The following CDK5RAP2 variants were observed in gnomAD, a reference collection of about 807,000 sequenced individuals.
The protein encoded by CDK5RAP2 is CDK5 regulatory subunit-associated protein 2.
Under a neutral mutation model 232.9 loss-of-function variants are expected in CDK5RAP2, and 147 were observed. The observed-to-expected ratio is 0.63, with a 90% confidence interval of 0.55 to 0.72. The LOEUF (loss-of-function observed/expected upper bound fraction) is 0.72, where lower values mean the gene tolerates loss of function less well. CDK5RAP2 is among the 30% of genes least tolerant of loss of function. The pLI, the probability that CDK5RAP2 is intolerant of heterozygous loss-of-function variation, is 0.00. For synonymous variants in CDK5RAP2, 833 were observed against 833.7 expected, an observed-to-expected ratio of 1.00 and a Z score of 0.01; for missense variants, 2,195 against 2,231.5, an observed-to-expected ratio of 0.98 and a Z score of 0.33.
At chr9:120,552,884 TAACTC>T (rs2042097040) in intron 3 of CDK5RAP2, among the ~76,000 whole-genome samples, 2 of 151,940 alleles carry the variant, frequency 1.3e-5, no homozygotes, top group African/African-American at 2.4e-5. Flanking sequence ...CATCTGCAAT[TAACTC>T]AAATGAGTAG....
At chr9:120,465,088 A>G (rs1218759263) in intron 18 of CDK5RAP2, among the ~76,000 whole-genome samples, 1 of 152,226 alleles carries the variant, frequency 6.6e-6, no homozygotes, top group Non-Finnish European at 1.5e-5. Flanking sequence ...CTACGTCAAA[A>G]AAAAGTGAGT....
chr9:120,432,012 T>C (rs980951242), intron 25 of CDK5RAP2, among the ~76,000 whole-genome samples: 2 of 151,672 alleles, frequency 1.3e-5, no homozygotes, highest in Non-Finnish European at 2.9e-5. Flanking sequence ...CAAGGGAGAG[T>C]CCCCTTATAA....
chr9:120,441,853 G>A (rs1039742547), intron 23 of CDK5RAP2, among the ~76,000 whole-genome samples: 7 of 152,172 alleles, frequency 4.6e-5, no homozygotes, highest in African/African-American at 9.7e-5. Context: ...GGTGCAGACC[G>A]TGTCATCCAT....
chr9:120,415,061 G>A lies in CDK5RAP2; in HGVS notation c.4276C>T (p.Gln1426Ter). The A allele has an allele frequency of 1.2e-6, 2 of 1,614,118 alleles. No individual in the cohort carries two copies. Among genetic ancestry groups the A allele is most frequent in the Non-Finnish European group, 1.7e-6 (2 of 1,179,978 alleles). Reference sequence around the variant, plus strand: ...TTACCTTGAACAAATTCAGATCCTTGCCGTTCCAACTGTTTCCGTAGCTTC... The same window carrying A: ...TTACCTTGAACAAATTCAGATCCTTACCGTTCCAACTGTTTCCGTAGCTTC... ...NEKLRKQLER[Q>*]GSEFVQGSTS... is the part of the protein sequence containing the mutation. Residue 1426 changes from glutamine (Q) to a stop codon, truncating the protein, a stop_gained, in exon 28 of 38, where the codon CAA becomes TAA. Transcript: ENST00000349780. LOFTEE classifies it high-confidence loss of function.
intron 6 of CDK5RAP2, among the ~76,000 whole-genome samples, chr9:120,536,956 A>C (rs2041417601): frequency 6.7e-6 from 1 of 150,012 alleles, no homozygotes; most frequent in South Asian, 2.1e-4. Flanking sequence ...CATTTTCTGT[A>C]TCTCCAAGGT....
In CDK5RAP2 at chr9:120,509,987, A is replaced by G. The variant is rs2040004489; in HGVS notation, c.1311+8440T>C. 1.3e-5 allele frequency among the ~76,000 whole-genome samples: 2 copies of G among 151,902 alleles called. 1 individual carries two copies. Among genetic ancestry groups the G allele is most frequent in the South Asian group, 4.1e-4 (2 of 4,830 alleles). ...CACACATATATATACATTTTTTTTT[A>G]GGGCAAGAGGAGCTTTGGCCATTAG... is the stretch of plus-strand genomic sequence containing the variant. On this transcript the variant is annotated intron_variant, in intron 12 of 37. Transcript: ENST00000349780.
chr9:120,491,791 C>A (rs2038923481), intron 12 of CDK5RAP2, among the ~76,000 whole-genome samples: 1 of 151,914 alleles, frequency 6.6e-6, no homozygotes. Context: ...AAACACACAC[C>A]CACAATTATG....
intron 6 of CDK5RAP2, among the ~76,000 whole-genome samples, chr9:120,536,975 T>TG (rs757620834): frequency 6.9e-6 from 1 of 144,574 alleles, no homozygotes; most frequent in African/African-American, 2.6e-5. Context: ...GTGATTCAGT[T>TG]GGGAAAAAAA....
chr9:120,482,617 C>G (rs115426891), intron 14 of CDK5RAP2, among the ~76,000 whole-genome samples: 2,131 of 152,322 alleles, frequency 0.014, 46 homozygotes, highest in African/African-American at 0.049. Context: ...GCCCCCAGAG[C>G]TGGCGTGTCA....
Position 120,580,098 on chromosome 9 carries a change from C to T in CDK5RAP2, c.-120G>A. On this transcript the variant is annotated 5_prime_UTR_variant, in exon 1 of 38. Transcript: ENST00000349780. Reference sequence around the variant, plus strand: ...CCCTCCACCCCAGCTCTTGTTCAGACTCTGGCGGCGCCGCTGGAATTCAAA... The same window carrying T: ...CCCTCCACCCCAGCTCTTGTTCAGATTCTGGCGGCGCCGCTGGAATTCAAA... The T allele has an allele frequency of 3.3e-6, 2 of 610,944 alleles. No homozygotes were observed. Among genetic ancestry groups the T allele is most frequent in the Non-Finnish European group, 5.9e-6 (2 of 337,374 alleles). The allele number at this position is 610,944 out of a possible 1,614,324, so 37.8% of individuals were successfully genotyped here.
intron 26 of CDK5RAP2, among the ~76,000 whole-genome samples, chr9:120,421,511 G>A (rs1434558151): frequency 2.0e-5 from 3 of 152,122 alleles, no homozygotes; most frequent in Non-Finnish European, 2.9e-5. Flanking sequence ...AGTGCCCTTC[G>A]TGATGCCAAT....
At chr9:120,411,295 A>C (rs971924500) in intron 29 of CDK5RAP2, 63 bp downstream of exon 29, 1 of 1,006,038 alleles carries the variant, frequency 9.9e-7, no homozygotes, top group Admixed American at 1.7e-5. Context: ...CAATGCCTGC[A>C]TTCTTTCCAT....
chr9:120,452,063 A>G (rs1007675451), intron 21 of CDK5RAP2, among the ~76,000 whole-genome samples: 7 of 152,066 alleles, frequency 4.6e-5, no homozygotes, highest in African/African-American at 1.7e-4. Flanking sequence ...TTTCCTGAAC[A>G]CAGAATAACA....
At chr9:120,423,896 G>C (rs182247226) in intron 25 of CDK5RAP2, among the ~76,000 whole-genome samples, 2 of 152,200 alleles carry the variant, frequency 1.3e-5, no homozygotes, top group Admixed American at 6.5e-5. Flanking sequence ...CGGCTGGCTG[G>C]TATGGCCATC....
At chr9:120,445,250 C>T (rs113607272) in intron 22 of CDK5RAP2, among the ~76,000 whole-genome samples, 8 of 152,350 alleles carry the variant, frequency 5.3e-5, no homozygotes, top group African/African-American at 1.9e-4. Context: ...TTGCTCCTCG[C>T]TGCCACTTCT....
intron 9 of CDK5RAP2, among the ~76,000 whole-genome samples, chr9:120,528,367 A>G (rs1237700553): frequency 6.6e-6 from 1 of 152,228 alleles, no homozygotes; most frequent in Non-Finnish European, 1.5e-5. Flanking sequence ...GTGAGGATCA[A>G]ACAGGATAAT....
chr9:120,524,263 G>T (rs2040800726), intron 11 of CDK5RAP2, among the ~76,000 whole-genome samples: 1 of 152,212 alleles, frequency 6.6e-6, no homozygotes, highest in African/African-American at 2.4e-5. Flanking sequence ...GCTATTATTA[G>T]CAATTACCAC....
intron 18 of CDK5RAP2, among the ~76,000 whole-genome samples, chr9:120,461,050 A>G (rs187731438): frequency 6.8e-4 from 104 of 152,378 alleles, no homozygotes; most frequent in African/African-American, 2.3e-3. Flanking sequence ...GATTTTGGAA[A>G]ATAGCTATTG....
chr9:120,572,806 T>C (rs1387639874), intron 1 of CDK5RAP2, among the ~76,000 whole-genome samples: 1 of 152,250 alleles, frequency 6.6e-6, no homozygotes, highest in African/African-American at 2.4e-5. Context: ...AGGTACCTTG[T>C]GGGTACTCCA....
Sources: allele counts gnomAD v4.1 joint callset (sites outside exome capture counted in the v4.1 genomes callset), GRCh38; gene constraint gnomAD v4.1.1; transcripts MANE v1.5; gene names NCBI Gene and HGNC (gene_info 2026-07-23, HGNC 2026-07-21).